The following EVI5 variants were observed in gnomAD, a reference collection of about 807,000 sequenced individuals.
EVI5 encodes ecotropic viral integration site 5 protein homolog.
A neutral mutation model predicts 112.0 loss-of-function variants in EVI5; 73 were observed. The observed-to-expected ratio is 0.65, with a 90% confidence interval of 0.54 to 0.79. EVI5 has a LOEUF of 0.79. Ranked by LOEUF, EVI5 falls within the 30% of genes least tolerant of loss-of-function variation. The pLI, the probability that EVI5 is intolerant of heterozygous loss-of-function variation, is 0.00. For synonymous variants in EVI5, 305 were observed against 319.9 expected (o/e 0.95, Z 0.50); for missense variants, 900 against 968.8 (o/e 0.93, Z 0.94).
intron 2 of EVI5, among the ~76,000 whole-genome samples, chr1:92,712,754 G>T (rs1390835835): frequency 6.6e-6 from 1 of 151,910 alleles, no homozygotes; most frequent in Non-Finnish European, 1.5e-5. Flanking sequence ...CCTTGGTGTT[G>T]CTGGATGTTT....
intron 14 of EVI5, 143 bp downstream of exon 14, chr1:92,636,059 T>C: frequency 1.6e-6 from 1 of 639,410 alleles, no homozygotes; most frequent in Middle Eastern, 3.2e-4. Context: ...AAAAATCTTT[T>C]TTTCCTTTTC....
intron 4 of EVI5, among the ~76,000 whole-genome samples, chr1:92,702,812 A>G (rs113986133): frequency 6.7e-6 from 1 of 149,968 alleles, no homozygotes; most frequent in Non-Finnish European, 1.5e-5. Context: ...ATCTCAAAAA[A>G]AAAAAAAAAA....
chr1:92,540,196 A>G (rs977269915), intron 19 of EVI5, among the ~76,000 whole-genome samples: 2 of 152,208 alleles, frequency 1.3e-5, no homozygotes, highest in Admixed American at 6.5e-5. Flanking sequence ...TTACTTGGGT[A>G]TATACCCAGG....
At chr1:92,686,999 A>T (rs1668650773) in intron 9 of EVI5, among the ~76,000 whole-genome samples, 1 of 152,198 alleles carries the variant, frequency 6.6e-6, no homozygotes, top group African/African-American at 2.4e-5. Context: ...CATCCCCATC[A>T]AGCTACCACT....
intron 2 of EVI5, among the ~76,000 whole-genome samples, chr1:92,729,963 G>A (rs766919508): frequency 1.3e-4 from 20 of 152,068 alleles, no homozygotes; most frequent in Non-Finnish European, 2.5e-4. Context: ...GTAATTTGCC[G>A]TATTATCAGA....
chr1:92,525,042 G>A, intron 19 of EVI5, among the ~76,000 whole-genome samples: 1 of 152,028 alleles, frequency 6.6e-6, no homozygotes, highest in East Asian at 1.9e-4. Flanking sequence ...AGGCCAGGCT[G>A]CTCTCGAACT....
At chr1:92,731,714 CAGAAT>C (rs1676502342) in intron 2 of EVI5, among the ~76,000 whole-genome samples, 1 of 152,248 alleles carries the variant, frequency 6.6e-6, no homozygotes, top group Admixed American at 6.5e-5. Flanking sequence ...ACCAACAGAA[CAGAAT>C]AGAGCCCAGA....
At chr1:92,780,181 C>T (rs1378944797) in intron 1 of EVI5, among the ~76,000 whole-genome samples, 1 of 152,222 alleles carries the variant, frequency 6.6e-6, no homozygotes, top group Non-Finnish European at 1.5e-5. Context: ...GGCATTCATT[C>T]GCTCTCCTGT....
intron 1 of EVI5, among the ~76,000 whole-genome samples, chr1:92,760,748 A>T (rs1274514189): frequency 6.7e-6 from 1 of 150,280 alleles, no homozygotes; most frequent in African/African-American, 2.4e-5. Context: ...AAAAAAAAAA[A>T]AAGGTGGCAT....
At chr1:92,713,375 T>C (rs938272562) in intron 2 of EVI5, among the ~76,000 whole-genome samples, 4 of 151,488 alleles carry the variant, frequency 2.6e-5, no homozygotes, top group Admixed American at 1.3e-4. Context: ...TACTAGACCA[T>C]ACTAGATCTA....
chr1:92,654,373 G>A (rs762106735), intron 13 of EVI5, among the ~76,000 whole-genome samples: 1 of 152,076 alleles, frequency 6.6e-6, no homozygotes, highest in Non-Finnish European at 1.5e-5. Flanking sequence ...GCAGGAAGCT[G>A]TGATACTACT....
At chr1:92,570,159 T>C (rs1195064903) in intron 18 of EVI5, among the ~76,000 whole-genome samples, 2 of 152,174 alleles carry the variant, frequency 1.3e-5, no homozygotes, top group African/African-American at 4.8e-5. Context: ...ATTATTCTCA[T>C]AGGAGGTATT....
chr1:92,663,983 C>T (rs774500024), intron 11 of EVI5, among the ~76,000 whole-genome samples: 9 of 152,164 alleles, frequency 5.9e-5, no homozygotes, highest in Admixed American at 2.0e-4. Flanking sequence ...CCTGGCCTTA[C>T]GCAATCCTCT....
chr1:92,712,296 G>T (rs1229240465), intron 2 of EVI5, among the ~76,000 whole-genome samples: 1 of 151,950 alleles, frequency 6.6e-6, no homozygotes, highest in African/African-American at 2.4e-5. Context: ...CAACACAGAA[G>T]AAAGATACCT....
chr1:92,552,234 T>A (rs951075363), intron 19 of EVI5, among the ~76,000 whole-genome samples: 4 of 151,858 alleles, frequency 2.6e-5, no homozygotes, highest in Non-Finnish European at 5.9e-5. Context: ...GAGTTCAGAC[T>A]ACTGTGCCAG....
intron 6 of EVI5, among the ~76,000 whole-genome samples, chr1:92,696,412 A>T (rs940895420): frequency 6.6e-6 from 1 of 151,870 alleles, no homozygotes; most frequent in Non-Finnish European, 1.5e-5. Context: ...TCAGGAGTTC[A>T]ACACCAACCT....
At chr1:92,757,550 G>T (rs936009672) in intron 1 of EVI5, among the ~76,000 whole-genome samples, 2 of 151,720 alleles carry the variant, frequency 1.3e-5, no homozygotes, top group Non-Finnish European at 1.5e-5. Context: ...AATAGTATAG[G>T]TATATGGATT....
intron 18 of EVI5, among the ~76,000 whole-genome samples, chr1:92,581,693 TA>T (rs1553190265): frequency 4.0e-5 from 6 of 148,772 alleles, no homozygotes; most frequent in Admixed American, 6.7e-5. Flanking sequence ...AGTTTTTGCT[TA>T]AAAAAAAAAA....
intron 18 of EVI5, among the ~76,000 whole-genome samples, chr1:92,587,490 T>G (rs998548744): frequency 6.6e-6 from 1 of 151,736 alleles, no homozygotes; most frequent in Non-Finnish European, 1.5e-5. Flanking sequence ...AGTAATGTCA[T>G]GGTAATTTCA....
Sources: gnomAD v4.1 joint callset for allele counts (sites outside exome capture counted in the v4.1 genomes callset) on GRCh38, gnomAD v4.1.1 for gene constraint, MANE v1.5 for transcripts, NCBI Gene and HGNC (gene_info 2026-07-23, HGNC 2026-07-21) for gene names.